Variants in URI1 observed in about 807,000 individuals in gnomAD.
URI1 encodes the protein unconventional prefoldin RPB5 interactor 1.
In URI1, 39 loss-of-function variants were observed where a neutral mutation model predicts 60.2. The ratio of observed to expected loss-of-function variants is 0.65; its 90% CI spans 0.50 to 0.85. URI1 has a LOEUF of 0.85. Among genes scored for constraint, URI1 ranks in the 40% least tolerant of loss-of-function variants. The pLI, the probability that URI1 is intolerant of heterozygous loss-of-function variation, is 0.00. For missense variants in URI1, 691 were observed against 665.9 expected (o/e 1.04, Z -0.42); for synonymous variants, 251 against 236.8 (o/e 1.06, Z -0.55).
chr19:30,009,383 G>A, intron 8 of URI1, 30 bp downstream of exon 8: 1 of 1,560,306 alleles, frequency 6.4e-7, no homozygotes, highest in Non-Finnish European at 8.8e-7. Context: ...TACTAATTTT[G>A]CATATAATTT....
chr19:29,969,580 G>A (rs2055433338), intron 1 of URI1, among the ~76,000 whole-genome samples: 2 of 152,290 alleles, frequency 1.3e-5, no homozygotes, highest in Admixed American at 6.5e-5. Context: ...GGATTATCAT[G>A]TAGAGGTTAA....
intron 2 of URI1, among the ~76,000 whole-genome samples, chr19:29,976,920 T>G (rs2055530185): frequency 6.6e-6 from 1 of 152,212 alleles, no homozygotes; most frequent in Non-Finnish European, 1.5e-5. Context: ...ACATAAAAGT[T>G]CTAAAACACT....
chr19:29,954,058 A>G (rs2055212545), intron 1 of URI1, among the ~76,000 whole-genome samples: 1 of 152,112 alleles, frequency 6.6e-6, no homozygotes, highest in African/African-American at 2.4e-5. Flanking sequence ...TTCTTCTTAA[A>G]TTTTCCCCAG....
intron 1 of URI1, among the ~76,000 whole-genome samples, chr19:29,966,297 C>A (rs1473484724): frequency 6.6e-6 from 1 of 152,046 alleles, no homozygotes; most frequent in Non-Finnish European, 1.5e-5. Context: ...CACCACCACA[C>A]CTGGCTAATT....
chr19:29,956,662 G>A, intron 1 of URI1: 1 of 1,530,040 alleles, frequency 6.5e-7, no homozygotes, highest in Non-Finnish European at 9.1e-7. Flanking sequence ...TTCAACAAGA[G>A]ACCCATTCTG....
intron 1 of URI1, among the ~76,000 whole-genome samples, chr19:29,970,853 C>T (rs1599686909): frequency 6.6e-6 from 1 of 151,872 alleles, no homozygotes; most frequent in Admixed American, 6.6e-5. Context: ...TTTATGTATT[C>T]TACAAAATAT....
intron 1 of URI1, among the ~76,000 whole-genome samples, chr19:29,962,919 A>G (rs1177807231): frequency 6.6e-6 from 1 of 152,098 alleles, no homozygotes; most frequent in Non-Finnish European, 1.5e-5. Context: ...GCATTTCAAG[A>G]TACTCTGTTA....
intron 6 of URI1, 62 bp downstream of exon 6, chr19:30,005,770 G>A: frequency 6.8e-7 from 1 of 1,466,410 alleles, no homozygotes; most frequent in Non-Finnish European, 9.3e-7. Context: ...TTGATTTTCA[G>A]TGGGCTTTCT....
At chr19:29,951,344 G>A (rs1490313512) in intron 1 of URI1, among the ~76,000 whole-genome samples, 1 of 152,108 alleles carries the variant, frequency 6.6e-6, no homozygotes, top group African/African-American at 2.4e-5. Flanking sequence ...ATTGGTGTTT[G>A]CTAATTAGTG....
chr19:29,931,976 A>G (rs1446812788), intron 1 of URI1, among the ~76,000 whole-genome samples: 1 of 149,380 alleles, frequency 6.7e-6, no homozygotes, highest in Non-Finnish European at 1.5e-5. Context: ...GATTTTCTAC[A>G]TATAAGATTA....
At chr19:30,006,196 T>C (rs1358611882) in intron 6 of URI1, among the ~76,000 whole-genome samples, 1 of 152,106 alleles carries the variant, frequency 6.6e-6, no homozygotes, top group Non-Finnish European at 1.5e-5. Context: ...CTCCACCCAG[T>C]AGATTTCTTT....
intron 1 of URI1, among the ~76,000 whole-genome samples, chr19:29,955,991 T>A (rs1220583571): frequency 6.6e-6 from 1 of 151,932 alleles, no homozygotes; most frequent in Non-Finnish European, 1.5e-5. Context: ...CTTTTTTTTT[T>A]TTTATTTTTT....
At chr19:29,928,041 C>A (rs1273909870) in intron 1 of URI1, among the ~76,000 whole-genome samples, 1 of 152,078 alleles carries the variant, frequency 6.6e-6, no homozygotes, top group African/African-American at 2.4e-5. Context: ...GAAGCCCAGG[C>A]TATAAGGCAA....
intron 4 of URI1, among the ~76,000 whole-genome samples, chr19:29,998,613 A>G (rs1245750431): frequency 6.6e-6 from 1 of 152,112 alleles, no homozygotes; most frequent in East Asian, 1.9e-4. Context: ...GTCTGATACT[A>G]CTATAGCTAC....
chr19:29,990,440 G>A (rs1486124031), intron 4 of URI1, among the ~76,000 whole-genome samples: 2 of 152,176 alleles, frequency 1.3e-5, no homozygotes, highest in Non-Finnish European at 2.9e-5. Flanking sequence ...ACAAATACTT[G>A]TACATGAATA....
chr19:30,005,449 C>A lies in URI1; in HGVS notation c.456C>A (p.Ser152Arg), dbSNP rs767273785. The A allele has an allele frequency of 3.1e-6, 5 of 1,591,536 alleles. No individual in the cohort carries two copies. Among genetic ancestry groups the A allele is most frequent in the Non-Finnish European group, 4.3e-6 (5 of 1,171,540 alleles). ...VEFTEDLQKM[S>R]DAAGDIVDIR... ...TCACAGAAGATTTGCAGAAAATGAG[C>A]GATGTGAGTATTTGTTTTTAGTCTT... Residue 152 changes from serine to arginine, a missense_variant, in exon 5 of 11, where the codon AGC becomes AGA. Physicochemically the swap from Ser to Arg is moderately radical, Grantham distance 110 (BLOSUM62 -1). Coordinates refer to ENST00000392271, the MANE Select transcript of URI1 (RefSeq NM_003796.3).
chr19:29,926,245 TTCCTTCC>T (rs2054865428), intron 1 of URI1, among the ~76,000 whole-genome samples: 29 of 132,344 alleles, frequency 2.2e-4, no homozygotes, highest in Admixed American at 4.5e-4. Context: ...CCTTCCTTCC[TTCCTTCC>T]TTCCTTCCTT....
At chr19:29,973,360 C>T (rs2055482548) in intron 2 of URI1, among the ~76,000 whole-genome samples, 1 of 152,140 alleles carries the variant, frequency 6.6e-6, no homozygotes, top group Non-Finnish European at 1.5e-5. Flanking sequence ...CTTAGGGTGT[C>T]TCACACACTA....
chr19:30,000,351 T>A (rs2055862980), intron 4 of URI1, among the ~76,000 whole-genome samples: 2 of 152,042 alleles, frequency 1.3e-5, no homozygotes. Flanking sequence ...TACCCTGTTT[T>A]TGCCTTTTAT....
Sources: gnomAD v4.1 joint callset for allele counts (sites outside exome capture counted in the v4.1 genomes callset) on GRCh38, gnomAD v4.1.1 for gene constraint, MANE v1.5 for transcripts, NCBI Gene and HGNC (gene_info 2026-07-23, HGNC 2026-07-21) for gene names.